The following SGK1 variants were observed in gnomAD, a reference collection of about 807,000 sequenced individuals.
The protein encoded by SGK1 is serine/threonine-protein kinase Sgk1.
A neutral mutation model predicts 64.2 loss-of-function variants in SGK1; 26 were observed. That is an observed-to-expected ratio of 0.40 (90% confidence interval 0.30 to 0.56). The LOEUF (loss-of-function observed/expected upper bound fraction) is 0.56. Among genes scored for constraint, SGK1 ranks in the 20% least tolerant of loss-of-function variants. SGK1 has a pLI of 0.38. For missense variants in SGK1, 519 were observed against 645.6 expected (o/e 0.80, Z 2.12); for synonymous variants, 265 against 239.7 (o/e 1.11, Z -0.98).
In SGK1 at chr6:134,170,290, G is replaced by A. The variant is rs1195237711; in HGVS notation, c.1559C>T (p.Pro520Leu). The change falls in exon 14 of 14, where the codon CCT becomes CTT. Residue 520 changes from proline (P) to leucine (L), a missense_variant. Pro to Leu is a moderately conservative substitution (Grantham distance 98). Around this residue, in one of 2 missense-constraint regions of SGK1, gnomAD observed 278 missense variants for 408.7 expected, o/e 0.68. Transcript: ENST00000367858. Reference sequence around the variant, plus strand: ...GGTTCAGAGGAAAGAGTCCGTGGGAGGCGCATAGGAAAAGCCTAGGAAAGC... The same window carrying A: ...GGTTCAGAGGAAAGAGTCCGTGGGAAGCGCATAGGAAAAGCCTAGGAAAGC... The part of the protein sequence containing the change: ...AEAFLGFSYA[P>L]PTDSFL 6.2e-7 allele frequency: 1 copy of A among 1,613,344 alleles called. No individual in the cohort carries two copies. Among genetic ancestry groups the A allele is most frequent in the Admixed American group, 1.7e-5 (1 of 59,998 alleles).
At position 134,175,039 on chromosome 6, in the gene SGK1, C is replaced by A. The variant is rs575059574; in HGVS notation, c.362-453G>T. 942 of 734,360 alleles carry A rather than the reference C, an allele frequency of 1.3e-3. 9 individuals carry two copies. In the African/African-American group the frequency reaches 0.016, roughly 13 times the overall value. The allele number at this position is 734,360 out of a possible 1,614,324, so 45.5% of individuals were successfully genotyped here. ...GGCGGTTCTGTCCCCATTGAGAGGG[C>A]GAGCCCCGGGCGGGGGCGCGAGGAC... On this transcript the variant is annotated intron_variant, in intron 3 of 13. Transcript: ENST00000367858.
intron 13 of SGK1, 38 bp downstream of exon 13, chr6:134,170,788 T>TG: frequency 7.6e-7 from 1 of 1,311,068 alleles, no homozygotes; most frequent in Non-Finnish European, 1.1e-6. Flanking sequence ...AAATGCCCTT[T>TG]GGGCTTCTCT....
At chr6:134,174,622 G>C (rs2114640724) in intron 3 of SGK1, 36 bp from the exon 4 acceptor site, 10 of 1,608,250 alleles carry the variant, frequency 6.2e-6, no homozygotes, top group Non-Finnish European at 8.5e-6. Context: ...GAAACGTTTA[G>C]ACGGCTTCAT....
At chr6:134,314,859 G>C (rs974081280) in intron 1 of SGK1, among the ~76,000 whole-genome samples, 1 of 142,534 alleles carries the variant, frequency 7.0e-6, no homozygotes, top group Non-Finnish European at 1.5e-5. Flanking sequence ...GGTTCACTTT[G>C]TAAGACTGTC....
chr6:134,213,774 C>T (rs1775932347), intron 2 of SGK1, among the ~76,000 whole-genome samples: 1 of 151,938 alleles, frequency 6.6e-6, no homozygotes, highest in Non-Finnish European at 1.5e-5. Context: ...TTCTTTCTTT[C>T]CCTGGAATAA....
At chr6:134,212,067 T>TTTTTTTG (rs1554221193) in intron 2 of SGK1, among the ~76,000 whole-genome samples, 288 of 148,464 alleles carry the variant, frequency 1.9e-3, no homozygotes, top group African/African-American at 6.9e-3. Flanking sequence ...TTGTTTTTTT[T>TTTTTTTG]GGGGGGGACG....
intron 13 of SGK1, 76 bp from the exon 14 acceptor site, chr6:134,170,511 T>A: frequency 7.2e-7 from 1 of 1,386,284 alleles, no homozygotes; most frequent in Non-Finnish European, 9.9e-7. Flanking sequence ...GACCAGGCTT[T>A]AAATACCAAG....
At chr6:134,243,470 A>G (rs1389620680) in intron 2 of SGK1, among the ~76,000 whole-genome samples, 2 of 152,060 alleles carry the variant, frequency 1.3e-5, no homozygotes, top group African/African-American at 4.8e-5. Flanking sequence ...CCTGGGTTCA[A>G]GCGATTCCCC....
At chr6:134,222,280 T>G in intron 2 of SGK1, among the ~76,000 whole-genome samples, 1 of 152,056 alleles carries the variant, frequency 6.6e-6, no homozygotes, top group East Asian at 1.9e-4. Context: ...TGCATAAAGA[T>G]GTAGAAACCT....
At chr6:134,250,423 T>C (rs1406274417) in intron 2 of SGK1, among the ~76,000 whole-genome samples, 1 of 152,198 alleles carries the variant, frequency 6.6e-6, no homozygotes, top group Non-Finnish European at 1.5e-5. Flanking sequence ...GAGTTTTGCT[T>C]GAATCTTGCC....
At chr6:134,229,892 C>A (rs1776250045) in intron 2 of SGK1, among the ~76,000 whole-genome samples, 2 of 151,920 alleles carry the variant, frequency 1.3e-5, no homozygotes, top group Admixed American at 6.6e-5. Flanking sequence ...AAGAAAACAT[C>A]TTGTTTAGAA....
At chr6:134,183,871 C>T (rs1220941790) in intron 3 of SGK1, among the ~76,000 whole-genome samples, 4 of 140,276 alleles carry the variant, frequency 2.9e-5, no homozygotes, top group East Asian at 2.4e-4. Flanking sequence ...CCCCCACCCC[C>T]GGCATTGGAT....
Position 134,173,346 on chromosome 6 carries a change from T to C in SGK1, c.630A>G (p.Ala210=). The C allele has an allele frequency of 6.2e-7, 1 of 1,612,486 alleles. No individual in the cohort carries two copies. Among genetic ancestry groups the C allele is most frequent in the Non-Finnish European group, 8.5e-7 (1 of 1,178,868 alleles). ...GKGSFGKVLL[A]RHKAEEVFYA... The stretch of plus-strand genomic sequence containing the variant: ...AGAACACTTCTTCTGCCTTGTGTCT[T>C]GCTAGAAGAACCTGAAATTTCAATT... The change falls in exon 7 of 14, where the codon GCA becomes GCG. Residue 210 remains alanine (A), a synonymous_variant. Coordinates refer to ENST00000367858, the MANE Select transcript of SGK1 (RefSeq NM_001143676.3).
intron 3 of SGK1, among the ~76,000 whole-genome samples, chr6:134,198,465 TTTGC>T (rs1775629376): frequency 6.6e-6 from 1 of 152,172 alleles, no homozygotes. Flanking sequence ...ATATGAGTAT[TTTGC>T]TTTTCAAGAG....
intron 3 of SGK1, among the ~76,000 whole-genome samples, chr6:134,179,081 T>C (rs1775293302): frequency 6.6e-6 from 1 of 152,182 alleles, no homozygotes; most frequent in South Asian, 2.1e-4. Context: ...TTCCATTTAA[T>C]TTTAAAAGGC....
At chr6:134,175,560 G>T (rs1484465691) in intron 3 of SGK1, 1 of 1,554,810 alleles carries the variant, frequency 6.4e-7, no homozygotes, top group Admixed American at 1.9e-5. Flanking sequence ...CGCTCAGCAG[G>T]AAGGACTCGC....
chr6:134,276,319 T>C (rs1033239626), intron 1 of SGK1, among the ~76,000 whole-genome samples: 1 of 152,092 alleles, frequency 6.6e-6, no homozygotes, highest in African/African-American at 2.4e-5. Flanking sequence ...TGGAAGACAG[T>C]GTTAAAGCGA....
Position 134,317,477 on chromosome 6 carries a change from T to C in SGK1, c.-17A>G, listed in dbSNP as rs186994292. The C allele has an allele frequency of 3.1e-5, 48 of 1,572,782 alleles. 1 individual carries two copies. The East Asian group carries it at 4.9e-4, about 16-fold the overall frequency. ...GTTTACCATTTTCCACCGTGGGGAA[T>C]TCACAGTTATAGATCCAGGTTGGCA... On this transcript the variant is annotated 5_prime_UTR_variant, in exon 1 of 14. Coordinates refer to ENST00000367858, the MANE Select transcript of SGK1 (RefSeq NM_001143676.3).
intron 2 of SGK1, among the ~76,000 whole-genome samples, chr6:134,241,713 C>T (rs1344544365): frequency 1.3e-5 from 2 of 152,148 alleles, no homozygotes; most frequent in African/African-American, 2.4e-5. Flanking sequence ...CTCCGCCTCC[C>T]GGGTTCAGGC....
Sources: gnomAD v4.1 joint callset for allele counts (sites outside exome capture counted in the v4.1 genomes callset) on GRCh38, gnomAD v4.1.1 for gene constraint, gnomAD v4.1.1 regional missense constraint, MANE v1.5 for transcripts, NCBI Gene and HGNC (gene_info 2026-07-23, HGNC 2026-07-21) for gene names.